The following HECW1 variants were observed in gnomAD, a reference collection of about 807,000 sequenced individuals.
The protein encoded by HECW1 is E3 ubiquitin-protein ligase HECW1.
In HECW1, 61 loss-of-function variants were observed where a neutral mutation model predicts 182.3. The ratio of observed to expected loss-of-function variants is 0.33; its 90% CI spans 0.27 to 0.41. HECW1 has a LOEUF of 0.41. HECW1 is among the 10% of genes least tolerant of loss of function. The pLI, the probability that HECW1 is intolerant of heterozygous loss-of-function variation, is 1.00. For missense variants in HECW1, 1,739 were observed against 2,108.9 expected, an observed-to-expected ratio of 0.82 and a Z score of 3.44; for synonymous variants, 859 against 832.6, an observed-to-expected ratio of 1.03 and a Z score of -0.55.
chr7:43,335,836 C>T (rs1476812263), intron 5 of HECW1, among the ~76,000 whole-genome samples: 1 of 147,466 alleles, frequency 6.8e-6, no homozygotes. Flanking sequence ...CTCTTTCTCC[C>T]TTGACTCCCT....
At chr7:43,133,068 G>A (rs1221960954) in intron 2 of HECW1, among the ~76,000 whole-genome samples, 1 of 152,058 alleles carries the variant, frequency 6.6e-6, no homozygotes, top group African/African-American at 2.4e-5. Context: ...AAGTTAACTA[G>A]TGCGTTTTTT....
intron 6 of HECW1, among the ~76,000 whole-genome samples, chr7:43,368,100 G>A (rs1056846363): frequency 2.1e-4 from 32 of 152,130 alleles, no homozygotes; most frequent in African/African-American, 7.7e-4. Context: ...AGCTCCTTGG[G>A]GCTAACCATT....
intron 18 of HECW1, among the ~76,000 whole-genome samples, chr7:43,492,384 A>C: frequency 6.7e-6 from 1 of 149,174 alleles, no homozygotes; most frequent in African/African-American, 2.5e-5. Context: ...CTTCCTCCTC[A>C]CCTATCTGTT....
At chr7:43,345,635 G>T (rs905303764) in intron 5 of HECW1, among the ~76,000 whole-genome samples, 1 of 151,960 alleles carries the variant, frequency 6.6e-6, no homozygotes, top group South Asian at 2.1e-4. Context: ...TTATGCCTTT[G>T]TGTCCTCATA....
chr7:43,286,175 T>C (rs768630728), intron 3 of HECW1, among the ~76,000 whole-genome samples: 1 of 152,154 alleles, frequency 6.6e-6, no homozygotes, highest in Non-Finnish European at 1.5e-5. Flanking sequence ...GGAGGGCAGG[T>C]AGAGAAATGA....
chr7:43,491,351 C>T (rs2078927333), intron 17 of HECW1, among the ~76,000 whole-genome samples: 1 of 152,068 alleles, frequency 6.6e-6, no homozygotes, highest in South Asian at 2.1e-4. Flanking sequence ...ATATAAGATG[C>T]TATGTGAACA....
rs1799106703 is a variant in HECW1 at position 43,243,785 on chromosome 7, G to T, written c.-31-90G>T. The stretch of plus-strand genomic sequence containing the variant: ...CCAGGCCAGGTATCTTGGCGGGGGT[G>T]GGGGAAACAATGTTGTTTGTGTGGG... On this transcript the variant is annotated intron_variant, in intron 2 of 29. Transcript: ENST00000395891. This position sits in a 1 kb window ranked among gnomAD's most constrained non-coding sequence, Gnocchi z 4.0. 7.9e-6 allele frequency: 8 copies of T among 1,010,198 alleles called. No individual in the cohort carries two copies. Among genetic ancestry groups the T allele is most frequent in the Admixed American group, 1.7e-5 (1 of 57,730 alleles). 62.6% of individuals were successfully genotyped at this position (1,010,198 alleles called of 1,614,324 possible).
rs1218367689 is a variant in HECW1 at position 43,396,814 on chromosome 7, A to G, written c.556A>G (p.Ile186Val). 1 of 1,610,400 alleles carries G rather than the reference A, an allele frequency of 6.2e-7. No individual in the cohort carries two copies. The highest frequency in any genetic ancestry group is 8.5e-7 in the Non-Finnish European group (1 of 1,177,964). The change falls in exon 7 of 30, where the codon ATT (isoleucine) becomes GTT (valine). Residue 186 changes from isoleucine to valine, a missense_variant and splice_region_variant. By Grantham distance (29) the Ile-to-Val change is conservative. Transcript: ENST00000395891. ...TCTCCCATTTTCCTTCTTTTTACAG[A>G]TTTTTAAAAGCATTGGTGCTGATGA... ...SVTVKNSAAP[I>V]FKSIGADETV... is the part of the protein sequence containing the mutation.
intron 3 of HECW1, among the ~76,000 whole-genome samples, chr7:43,244,526 A>C (rs1041815038): frequency 1.5e-4 from 23 of 152,168 alleles, no homozygotes; most frequent in Admixed American, 1.2e-3. Flanking sequence ...GCTCACATTT[A>C]CTGGGCACCA....
At chr7:43,456,625 C>T (rs1051496904) in intron 13 of HECW1, among the ~76,000 whole-genome samples, 178 bp downstream of exon 13, 1 of 146,962 alleles carries the variant, frequency 6.8e-6, no homozygotes, top group Non-Finnish European at 1.5e-5. Context: ...AATTTGGAGG[C>T]GAGAGACAAG....
intron 2 of HECW1, among the ~76,000 whole-genome samples, chr7:43,115,821 A>G (rs1434809974): frequency 6.6e-5 from 10 of 152,206 alleles, no homozygotes; most frequent in Admixed American, 5.2e-4. Flanking sequence ...CTGTTTTCCC[A>G]TAGCCTTTTT....
At chr7:43,137,251 C>T (rs976941412) in intron 2 of HECW1, among the ~76,000 whole-genome samples, 2 of 152,132 alleles carry the variant, frequency 1.3e-5, no homozygotes, top group Non-Finnish European at 2.9e-5. Flanking sequence ...ATGTCAATCC[C>T]AGGGTGATGC....
chr7:43,401,889 T>C (rs574601328), intron 7 of HECW1, among the ~76,000 whole-genome samples: 108 of 151,736 alleles, frequency 7.1e-4, no homozygotes, highest in Non-Finnish European at 1.3e-3. Flanking sequence ...ATAAGCCCCA[T>C]ATCCCAGGCT....
At chr7:43,311,611 A>G (rs759376640) in intron 3 of HECW1, 152 bp from the exon 4 acceptor site, 3 of 797,976 alleles carry the variant, frequency 3.8e-6, no homozygotes, top group Non-Finnish European at 6.7e-6. Flanking sequence ...CTTTGTCACG[A>G]GGAAGATGCT....
intron 5 of HECW1, among the ~76,000 whole-genome samples, chr7:43,353,382 G>T (rs1047960790): frequency 1.3e-5 from 2 of 152,020 alleles, no homozygotes; most frequent in African/African-American, 4.8e-5. Flanking sequence ...TTAAGAAAAA[G>T]GAAAACAACC....
rs764081779 is a variant in HECW1, at chr7:43,507,252, A to G, written c.3747A>G (p.Lys1249=). 7.4e-6 allele frequency: 12 copies of G among 1,612,974 alleles called. No homozygotes were observed. The highest frequency in any genetic ancestry group is 4.2e-6 in the Non-Finnish European group (5 of 1,179,234). ...AAGGATTTGGTCAGGGTCCGGGGAA[A>G]ATTAAGTGAGTGCTCCAGTGCTTGG... The part of the protein sequence containing the change: ...EAKGFGQGPG[K]IKLIIRRDHL... The change falls in exon 22 of 30, where the codon AAA becomes AAG. Residue 1249 remains lysine, a synonymous_variant. Coordinates refer to ENST00000395891, the MANE Select transcript of HECW1 (RefSeq NM_015052.5).
chr7:43,265,415 G>C (rs1480006574), intron 3 of HECW1, among the ~76,000 whole-genome samples: 2 of 152,170 alleles, frequency 1.3e-5, no homozygotes, highest in Non-Finnish European at 2.9e-5. Context: ...ACAGCCTAAA[G>C]AAGAGCACAG....
chr7:43,294,761 A>G lies in HECW1; in HGVS notation c.28-17002A>G, dbSNP rs1028085214. Among the ~76,000 whole-genome samples the G allele has an allele frequency of 1.6e-4, 25 of 152,334 alleles. No individual in the cohort carries two copies. In the East Asian group the frequency reaches 4.0e-3, roughly 25 times the overall value. ...TCAAAAGCTTTTGTCCCCATAAACC[A>G]GAAAGTATCTGAGACGGGTCTCAAT... On this transcript the variant is annotated intron_variant, in intron 3 of 29. Transcript: ENST00000395891.
rs1392938520 is a variant in HECW1 at position 43,417,106 on chromosome 7, A to T, written c.801+9375A>T. 7.9e-5 allele frequency among the ~76,000 whole-genome samples: 12 copies of T among 152,244 alleles called. No homozygotes were observed. The East Asian group carries it at 2.3e-3, about 29-fold the overall frequency. On this transcript the variant is annotated intron_variant, in intron 8 of 29. Coordinates refer to ENST00000395891, the MANE Select transcript of HECW1 (RefSeq NM_015052.5). Reference sequence around the variant, plus strand: ...ACTCTGGTCGCCCAGGCTGGAGTGCAATGGCGCAATCTCGGCTCACTGCAA... The same window carrying T: ...ACTCTGGTCGCCCAGGCTGGAGTGCTATGGCGCAATCTCGGCTCACTGCAA...
Sources: gnomAD v4.1 joint callset for allele counts (sites outside exome capture counted in the v4.1 genomes callset) on GRCh38, gnomAD v4.1.1 for gene constraint, Gnocchi (gnomAD v3.1) non-coding constraint, MANE v1.5 for transcripts, NCBI Gene and HGNC (gene_info 2026-07-23, HGNC 2026-07-21) for gene names.